Variants in ZNF385D observed in about 807,000 individuals in gnomAD.
ZNF385D encodes the protein zinc finger protein 659.
Under a neutral mutation model 35.8 loss-of-function variants are expected in ZNF385D, and 15 were observed. The observed-to-expected ratio is 0.42, with a 90% CI of 0.28 to 0.64. The LOEUF (loss-of-function observed/expected upper bound fraction) is 0.64, where lower values mean the gene tolerates loss of function less well. Among genes scored for constraint, ZNF385D ranks in the 30% least tolerant of loss-of-function variants. The pLI is 0.23. For missense variants in ZNF385D, 474 were observed against 494.6 expected, an observed-to-expected ratio of 0.96 and a Z score of 0.39; for synonymous variants, 212 against 186.8, an observed-to-expected ratio of 1.13 and a Z score of -1.10.
chr3:21,784,491 G>A (rs924004588), intron 3 of ZNF385D, among the ~76,000 whole-genome samples: 1 of 152,010 alleles, frequency 6.6e-6, no homozygotes, highest in Admixed American at 6.6e-5. Flanking sequence ...TTTAAGTAAC[G>A]TGTAAAGTTA....
At chr3:21,436,248 G>A (rs772147164) in intron 5 of ZNF385D, among the ~76,000 whole-genome samples, 1 of 152,024 alleles carries the variant, frequency 6.6e-6, no homozygotes, top group Non-Finnish European at 1.5e-5. Context: ...TATTGGGAGA[G>A]CATTTTATCC....
At chr3:21,721,419 T>C (rs1370452703) in intron 1 of ZNF385D, among the ~76,000 whole-genome samples, 1 of 150,912 alleles carries the variant, frequency 6.6e-6, no homozygotes, top group Non-Finnish European at 1.5e-5. Flanking sequence ...AAAGAAATAG[T>C]CCAGAGAAGA....
intron 3 of ZNF385D, among the ~76,000 whole-genome samples, chr3:22,046,407 T>C (rs1291369481): frequency 6.6e-6 from 1 of 152,174 alleles, no homozygotes; most frequent in African/African-American, 2.4e-5. Flanking sequence ...TTTATGTTTA[T>C]ATAAAAAAGA....
At chr3:21,921,039 C>A (rs376460735) in intron 3 of ZNF385D, among the ~76,000 whole-genome samples, 1 of 150,026 alleles carries the variant, frequency 6.7e-6, no homozygotes, top group Non-Finnish European at 1.5e-5. Flanking sequence ...CACAGTGAAA[C>A]CCCATCTCTA....
chr3:22,046,083 A>G (rs79280614), intron 3 of ZNF385D, among the ~76,000 whole-genome samples: 3,833 of 143,704 alleles, frequency 0.027, 167 homozygotes, highest in African/African-American at 0.093. Context: ...AAAATTGATG[A>G]TAGTGGCTTA....
At chr3:22,073,997 T>C (rs548845944) in intron 3 of ZNF385D, among the ~76,000 whole-genome samples, 132 of 152,090 alleles carry the variant, frequency 8.7e-4, no homozygotes, top group African/African-American at 3.0e-3. Flanking sequence ...CTAAAGTACA[T>C]TGTCTTAATG....
intron 3 of ZNF385D, among the ~76,000 whole-genome samples, chr3:21,816,673 T>A (rs188551085): frequency 6.6e-6 from 1 of 151,910 alleles, no homozygotes; most frequent in African/African-American, 2.4e-5. Context: ...CACTGCTCAA[T>A]GAAATAAAAG....
chr3:22,072,756 T>G (rs192802618), intron 3 of ZNF385D, among the ~76,000 whole-genome samples: 1 of 150,902 alleles, frequency 6.6e-6, no homozygotes, highest in East Asian at 2.0e-4. Context: ...AGAAGAAATA[T>G]TGAAGGTTGG....
chr3:22,146,697 G>A (rs1372505617), intron 3 of ZNF385D, among the ~76,000 whole-genome samples: 1 of 152,096 alleles, frequency 6.6e-6, no homozygotes, highest in African/African-American at 2.4e-5. Context: ...ATTTTACCTA[G>A]AAATATTGAT....
rs1320546511 is a variant in ZNF385D, at chr3:21,447,873, GT to G, written c.440-10671del. Among the ~76,000 whole-genome samples the G allele has an allele frequency of 5.3e-5, 8 of 152,194 alleles. No homozygotes were observed. In the South Asian group the frequency reaches 1.2e-3, roughly 24 times the overall value. On this transcript the variant is annotated intron_variant, in intron 4 of 7. Transcript: ENST00000281523. ...TGAAGAAATAACAGCCAGCTCTTCA[GT>G]TTTTTTGTACTGTAGAGCTGTCTTG... is the stretch of plus-strand genomic sequence containing the variant.
chr3:21,598,434 T>C (rs1035483572), intron 2 of ZNF385D, among the ~76,000 whole-genome samples: 12 of 152,252 alleles, frequency 7.9e-5, no homozygotes, highest in Admixed American at 5.2e-4. Flanking sequence ...TTAGGAAAAA[T>C]TGCTGTCAAG....
chr3:21,424,159 T>C (rs1361829218), intron 6 of ZNF385D, 95 bp from the exon 7 acceptor site: 47 of 1,122,844 alleles, frequency 4.2e-5, no homozygotes, highest in Non-Finnish European at 5.3e-5. Flanking sequence ...TATTCATTAT[T>C]TCATGCAAGT....
At chr3:21,595,533 T>C (rs191566175) in intron 2 of ZNF385D, among the ~76,000 whole-genome samples, 1 of 150,936 alleles carries the variant, frequency 6.6e-6, no homozygotes. Flanking sequence ...GTATGTAATA[T>C]ATACATAGTA....
At chr3:22,031,185 G>A (rs1468437406) in intron 3 of ZNF385D, among the ~76,000 whole-genome samples, 2 of 152,194 alleles carry the variant, frequency 1.3e-5, no homozygotes, top group African/African-American at 4.8e-5. Context: ...AGCTGTCAGT[G>A]GATCTAAATT....
chr3:21,845,760 C>T (rs993470114), intron 3 of ZNF385D, among the ~76,000 whole-genome samples: 7 of 152,004 alleles, frequency 4.6e-5, no homozygotes, highest in Admixed American at 1.3e-4. Context: ...ATGCGATTTT[C>T]GTGGTTAATG....
chr3:21,939,494 C>T (rs969648058), intron 3 of ZNF385D, among the ~76,000 whole-genome samples: 1 of 151,940 alleles, frequency 6.6e-6, no homozygotes, highest in Non-Finnish European at 1.5e-5. Flanking sequence ...AAACCATCCA[C>T]CAATTATATA....
chr3:21,595,403 T>C (rs1412152143), intron 2 of ZNF385D, among the ~76,000 whole-genome samples: 1 of 150,786 alleles, frequency 6.6e-6, no homozygotes, highest in African/African-American at 2.4e-5. Context: ...TTATATCCCA[T>C]TATATACAAC....
At chr3:21,540,985 C>T (rs1205739875) in intron 3 of ZNF385D, among the ~76,000 whole-genome samples, 1 of 152,148 alleles carries the variant, frequency 6.6e-6, no homozygotes, top group Non-Finnish European at 1.5e-5. Flanking sequence ...CAGTATTTTG[C>T]ATTTAAAATG....
At chr3:21,458,187 G>A (rs964626889) in intron 4 of ZNF385D, among the ~76,000 whole-genome samples, 2 of 151,944 alleles carry the variant, frequency 1.3e-5, no homozygotes, top group African/African-American at 2.4e-5. Flanking sequence ...AACAGATGAA[G>A]AGGGGCTGGG....
Sources: allele counts gnomAD v4.1 joint callset (sites outside exome capture counted in the v4.1 genomes callset), GRCh38; gene constraint gnomAD v4.1.1; transcripts MANE v1.5; gene names NCBI Gene and HGNC (gene_info 2026-07-23, HGNC 2026-07-21).